CNOT10: variants seen among roughly 807,000 people sequenced by gnomAD.
CNOT10 encodes the protein CCR4-NOT transcription complex, subunit 10.
Under a neutral mutation model 94.6 loss-of-function variants are expected in CNOT10, and 30 were observed. The observed-to-expected ratio is 0.32, with a 90% CI of 0.24 to 0.43. CNOT10 has a LOEUF of 0.43. Ranked by LOEUF, CNOT10 falls within the 20% of genes least tolerant of loss-of-function variation. The pLI is 1.00. For missense variants in CNOT10, 759 were observed against 877.2 expected, an observed-to-expected ratio of 0.87 and a Z score of 1.70; for synonymous variants, 289 against 301.6, an observed-to-expected ratio of 0.96 and a Z score of 0.43.
chr3:32,739,414 C>A (rs552734415), intron 13 of CNOT10, among the ~76,000 whole-genome samples: 1 of 152,188 alleles, frequency 6.6e-6, no homozygotes, highest in African/African-American at 2.4e-5. Context: ...ATGCTGGTCA[C>A]TGATTTTTAG....
At chr3:32,712,916 C>T (rs1487251444) in intron 4 of CNOT10, among the ~76,000 whole-genome samples, 1 of 152,152 alleles carries the variant, frequency 6.6e-6, no homozygotes, top group Non-Finnish European at 1.5e-5. Flanking sequence ...TGCACAACCT[C>T]TATTGGAATT....
intron 2 of CNOT10, 129 bp from the exon 3 acceptor site, chr3:32,704,682 G>A: frequency 9.8e-7 from 1 of 1,016,686 alleles, no homozygotes; most frequent in Non-Finnish European, 1.4e-6. Flanking sequence ...ATTAGTATAT[G>A]TAGGGAAACT....
intron 1 of CNOT10, among the ~76,000 whole-genome samples, chr3:32,700,069 A>G (rs1697265085): frequency 6.9e-6 from 1 of 144,590 alleles, no homozygotes; most frequent in Admixed American, 7.3e-5. Context: ...TCTGCCTCCC[A>G]GGTTCAAGTG....
intron 4 of CNOT10, among the ~76,000 whole-genome samples, chr3:32,712,051 T>C (rs1297212206): frequency 6.6e-6 from 1 of 152,224 alleles, no homozygotes; most frequent in Non-Finnish European, 1.5e-5. Context: ...AACTTTCCTC[T>C]CTTCATTGGG....
At chr3:32,772,096 A>C (rs112253258) in intron 18 of CNOT10, among the ~76,000 whole-genome samples, 8,474 of 152,242 alleles carry the variant, frequency 0.056, 555 homozygotes, top group African/African-American at 0.15. Context: ...CATGCATGTA[A>C]TCCCAACACT....
chr3:32,764,129 A>C (rs1346757687), intron 15 of CNOT10: 4 of 203,092 alleles, frequency 2.0e-5, no homozygotes, highest in Non-Finnish European at 3.8e-5. Context: ...CTCCATCTCC[A>C]AAAAAAAAAC....
chr3:32,694,544 G>C (rs1696972175), intron 1 of CNOT10, among the ~76,000 whole-genome samples: 1 of 152,060 alleles, frequency 6.6e-6, no homozygotes, highest in Non-Finnish European at 1.5e-5. Context: ...GCTTTGCCTA[G>C]CTTCCTTAAA....
intron 13 of CNOT10, among the ~76,000 whole-genome samples, chr3:32,750,587 C>G (rs1259618538): frequency 2.6e-5 from 4 of 151,918 alleles, no homozygotes; most frequent in Admixed American, 2.6e-4. Flanking sequence ...GAGTCTCACT[C>G]TGTTGCCCAG....
intron 15 of CNOT10, 40 bp downstream of exon 15, chr3:32,762,903 C>T: frequency 6.8e-7 from 1 of 1,462,148 alleles, no homozygotes; most frequent in East Asian, 2.7e-5. Context: ...GTCACTGTTT[C>T]CATTTCCCTC....
At chr3:32,725,212 T>A (rs1446201113) in intron 8 of CNOT10, among the ~76,000 whole-genome samples, 1 of 152,038 alleles carries the variant, frequency 6.6e-6, no homozygotes, top group Non-Finnish European at 1.5e-5. Context: ...AAAATTAGAG[T>A]AACAAAATAG....
chr3:32,697,872 A>AT (rs969518350), intron 1 of CNOT10, among the ~76,000 whole-genome samples: 14 of 152,236 alleles, frequency 9.2e-5, no homozygotes, highest in African/African-American at 2.9e-4. Flanking sequence ...GAGAAGACAC[A>AT]TTTTTTAAAA....
intron 4 of CNOT10, among the ~76,000 whole-genome samples, chr3:32,709,116 TCTTA>T (rs1697755429): frequency 6.6e-6 from 1 of 152,232 alleles, no homozygotes; most frequent in Non-Finnish European, 1.5e-5. Context: ...CCTGATCCTT[TCTTA>T]CTTTAGTACA....
chr3:32,717,375 G>T lies in CNOT10; in HGVS notation c.744+138G>T, dbSNP rs144754329. On this transcript the variant is annotated intron_variant, in intron 7 of 18. Coordinates refer to ENST00000328834, the MANE Select transcript of CNOT10 (RefSeq NM_015442.3). ...AACCTTGCTATTTTAAAGTTGGGAA[G>T]TAGTAATAATACTGTGTCTATAGTT... The T allele has an allele frequency of 6.7e-4, 337 of 506,644 alleles. 1 individual carries two copies. In the East Asian group the frequency reaches 7.2e-3, roughly 11 times the overall value. The allele number at this position is 506,644 out of a possible 1,614,324, so 31.4% of individuals were successfully genotyped here.
At chr3:32,692,121 G>A (rs982005672) in intron 1 of CNOT10, among the ~76,000 whole-genome samples, 4 of 151,778 alleles carry the variant, frequency 2.6e-5, no homozygotes, top group African/African-American at 9.7e-5. Flanking sequence ...TAGCACTTTG[G>A]GAGGCCGAGG....
chr3:32,750,873 A>T (rs1334418428), intron 13 of CNOT10, among the ~76,000 whole-genome samples: 1 of 152,164 alleles, frequency 6.6e-6, no homozygotes, highest in African/African-American at 2.4e-5. Flanking sequence ...TCATTGTTGC[A>T]TAGTGGTTTA....
chr3:32,741,792 A>AAGAAACT (rs1440929744), intron 13 of CNOT10, among the ~76,000 whole-genome samples: 1 of 151,220 alleles, frequency 6.6e-6, no homozygotes, highest in Non-Finnish European at 1.5e-5. Context: ...AACAGAAGAA[A>AAGAAACT]AGAAACTGCC....
In CNOT10 at chr3:32,773,586, C is replaced by T. The variant is rs375075235; in HGVS notation, c.2210C>T (p.Ala737Val). The stretch of plus-strand genomic sequence containing the variant: ...CCGATCCAGCCCATCCAAATGCCGG[C>T]TTTCACCACTGTGCAGAGAAAGTGA... ...VHPIQPIQMP[A>V]FTTVQRK Residue 737 changes from alanine (A) to valine (V), a missense_variant, in exon 19 of 19, where the codon GCT becomes GTT. This residue lies in a region of CNOT10 where 73 missense variants were observed against 61.0 expected (regional missense o/e 1.20). Transcript: ENST00000328834. 13 of 1,613,794 alleles carry T rather than the reference C, an allele frequency of 8.1e-6. No individual in the cohort carries two copies. Among genetic ancestry groups the T allele is most frequent in the Admixed American group, 1.7e-5 (1 of 59,912 alleles).
chr3:32,745,023 C>T (rs560403930), intron 13 of CNOT10, among the ~76,000 whole-genome samples: 11 of 152,074 alleles, frequency 7.2e-5, no homozygotes, highest in Non-Finnish European at 7.4e-5. Flanking sequence ...GGATTACAGG[C>T]GTGTGCCACA....
At chr3:32,746,337 G>A (rs1430074579) in intron 13 of CNOT10, among the ~76,000 whole-genome samples, 2 of 152,138 alleles carry the variant, frequency 1.3e-5, no homozygotes, top group Admixed American at 6.6e-5. Context: ...ATTGTGCACT[G>A]TATTTCTATT....
Sources: gnomAD v4.1 joint callset for allele counts (sites outside exome capture counted in the v4.1 genomes callset) on GRCh38, gnomAD v4.1.1 for gene constraint, gnomAD v4.1.1 regional missense constraint, MANE v1.5 for transcripts, NCBI Gene and HGNC (gene_info 2026-07-23, HGNC 2026-07-21) for gene names.